PALM2AKAP2: variants seen among roughly 807,000 people sequenced by gnomAD.
PALM2AKAP2 encodes the protein PALM2-AKAP2 fusion protein.
PALM2AKAP2 carries 37 observed loss-of-function variants against 71.5 expected under a neutral mutation model. That is an observed-to-expected ratio of 0.52 (90% CI 0.40 to 0.68). The LOEUF (loss-of-function observed/expected upper bound fraction) is 0.68, where lower values mean the gene tolerates loss of function less well. Among genes scored for constraint, PALM2AKAP2 ranks in the 30% least tolerant of loss-of-function variants. The probability of loss-of-function intolerance (pLI) is 0.00; values close to 1 mark genes in which losing one functional copy is unlikely to be tolerated. For synonymous variants in PALM2AKAP2, 468 were observed against 478.8 expected (o/e 0.98, Z 0.29); for missense variants, 1,224 against 1,191.8 (o/e 1.03, Z -0.40).
chr9:109,648,122 C>G (rs917920902), intron 1 of PALM2AKAP2, among the ~76,000 whole-genome samples: 3 of 152,218 alleles, frequency 2.0e-5, no homozygotes, highest in Admixed American at 6.5e-5. Flanking sequence ...TTCCCCTGCT[C>G]TTTCTCTCTG....
intron 1 of PALM2AKAP2, among the ~76,000 whole-genome samples, chr9:109,658,776 G>A (rs1195971847): frequency 6.6e-6 from 1 of 152,062 alleles, no homozygotes; most frequent in Non-Finnish European, 1.5e-5. Flanking sequence ...CTTTAATATG[G>A]TTGCTAGATA....
In PALM2AKAP2 at chr9:110,094,302, T is replaced by C. The variant is rs148881669; in HGVS notation, c.157-41825T>C. ...TTAAAGATGATTGTATACATTTTCT[T>C]AGGATAGTGACCAATGAACAAGGCA... On this transcript the variant is annotated intron_variant, in intron 1 of 3. Coordinates refer to ENST00000374525, the Ensembl canonical transcript of PALM2AKAP2. Among the ~76,000 whole-genome samples, 22 of 152,348 alleles carry C rather than the reference T, an allele frequency of 1.4e-4. No homozygotes were observed. In the East Asian group the frequency reaches 4.2e-3, roughly 29 times the overall value.
At chr9:110,013,097 T>C (rs1233732532) in intron 6 of PALM2AKAP2, among the ~76,000 whole-genome samples, 2 of 152,168 alleles carry the variant, frequency 1.3e-5, no homozygotes, top group Non-Finnish European at 2.9e-5. Flanking sequence ...TGGCTTGGCT[T>C]CCAGGTGCAG....
chr9:109,862,615 T>C (rs576066539), intron 1 of PALM2AKAP2, among the ~76,000 whole-genome samples: 113 of 152,304 alleles, frequency 7.4e-4, no homozygotes, highest in African/African-American at 2.6e-3. Context: ...CGAGGTAGCA[T>C]GATTGGCCTA....
intron 1 of PALM2AKAP2, among the ~76,000 whole-genome samples, chr9:109,842,688 A>C (rs1231940572): frequency 6.6e-6 from 1 of 152,166 alleles, no homozygotes; most frequent in African/African-American, 2.4e-5. Context: ...AAACAGACTA[A>C]TGATATCTGA....
intron 1 of PALM2AKAP2, among the ~76,000 whole-genome samples, chr9:109,647,290 C>T (rs756682518): frequency 3.3e-5 from 5 of 152,176 alleles, no homozygotes; most frequent in Non-Finnish European, 7.3e-5. Flanking sequence ...TCAATATATA[C>T]ACATCTACTT....
chr9:109,856,355 C>T (rs535927564), intron 1 of PALM2AKAP2, among the ~76,000 whole-genome samples: 6 of 152,276 alleles, frequency 3.9e-5, no homozygotes, highest in Admixed American at 1.3e-4. Context: ...ATCGCCATGC[C>T]GTAGTTGCAA....
intron 1 of PALM2AKAP2, among the ~76,000 whole-genome samples, chr9:109,689,288 C>T (rs944570920): frequency 2.6e-5 from 4 of 150,994 alleles, no homozygotes; most frequent in Admixed American, 6.6e-5. Context: ...CTGCAACCTC[C>T]GCCTGCTGGG....
intron 1 of PALM2AKAP2, among the ~76,000 whole-genome samples, chr9:109,825,213 A>G (rs1280979412): frequency 2.0e-5 from 3 of 152,248 alleles, no homozygotes; most frequent in African/African-American, 7.2e-5. Context: ...AATTAATTCA[A>G]GATGGATTAA....
intron 1 of PALM2AKAP2, among the ~76,000 whole-genome samples, chr9:109,814,869 T>C (rs1045902316): frequency 9.2e-5 from 14 of 152,210 alleles, no homozygotes; most frequent in African/African-American, 3.4e-4. Context: ...AGATGGACTG[T>C]CTTGTATGCC....
chr9:110,035,323 T>TA (rs1833367297), intron 7 of PALM2AKAP2, among the ~76,000 whole-genome samples: 1 of 143,986 alleles, frequency 6.9e-6, no homozygotes, highest in Non-Finnish European at 1.5e-5. Flanking sequence ...TACATATGTA[T>TA]TATATGTATA....
chr9:109,790,065 TC>T (rs1827073039), intron 1 of PALM2AKAP2, among the ~76,000 whole-genome samples: 1 of 152,158 alleles, frequency 6.6e-6, no homozygotes. Context: ...TCTGTACCTT[TC>T]TTTTGCATAA....
At chr9:110,125,657 G>A (rs1400643869) in intron 1 of PALM2AKAP2, 2 of 947,698 alleles carry the variant, frequency 2.1e-6, no homozygotes, top group Admixed American at 6.2e-5. Context: ...AAGGACAGGG[G>A]TCTTTTTTTG....
At position 109,662,720 on chromosome 9, in the gene PALM2AKAP2, T is replaced by C. The variant is rs558318240; in HGVS notation, c.5+21854T>C. Among the ~76,000 whole-genome samples, 35 of 152,294 alleles carry C rather than the reference T, an allele frequency of 2.3e-4. No individual in the cohort carries two copies. The East Asian group carries it at 6.4e-3, about 28-fold the overall frequency. On this transcript the variant is annotated intron_variant, in intron 1 of 6. Transcript: ENST00000374531. The stretch of plus-strand genomic sequence containing the variant: ...GGAGGAGTCCCTCTTTTTCTATTGA[T>C]TGGAATAGTTTCAGAAGGAATGGTA...
intron 1 of PALM2AKAP2, among the ~76,000 whole-genome samples, chr9:109,670,158 T>A (rs1223152322): frequency 6.6e-6 from 1 of 152,196 alleles, no homozygotes; most frequent in Non-Finnish European, 1.5e-5. Flanking sequence ...ATATGCCAGT[T>A]TGTTACATAG....
intron 2 of PALM2AKAP2, among the ~76,000 whole-genome samples, chr9:109,879,698 G>C (rs544204270): frequency 8.5e-6 from 1 of 117,220 alleles, no homozygotes; most frequent in South Asian, 2.5e-4. Flanking sequence ...TGGGATGTAT[G>C]GTTTTTTTTT....
chr9:110,149,035 T>C (rs1156436391), intron 2 of PALM2AKAP2, among the ~76,000 whole-genome samples: 1 of 152,216 alleles, frequency 6.6e-6, no homozygotes, highest in Non-Finnish European at 1.5e-5. Flanking sequence ...CTGCCTCCTG[T>C]CAGCACGGCT....
intron 1 of PALM2AKAP2, among the ~76,000 whole-genome samples, chr9:110,077,348 T>TA (rs1210980509): frequency 1.3e-5 from 2 of 152,244 alleles, no homozygotes; most frequent in African/African-American, 4.8e-5. Context: ...ATAGCTTTCA[T>TA]AATTACTATA....
chr9:109,787,571 G>A (rs967641043), intron 1 of PALM2AKAP2, among the ~76,000 whole-genome samples: 3 of 152,214 alleles, frequency 2.0e-5, no homozygotes, highest in African/African-American at 7.2e-5. Context: ...AGCATGCAAT[G>A]TAAATGAGGG....
Sources: gnomAD v4.1 joint callset for allele counts (sites outside exome capture counted in the v4.1 genomes callset) on GRCh38, gnomAD v4.1.1 for gene constraint, MANE v1.5 for transcripts, NCBI Gene and HGNC (gene_info 2026-07-23, HGNC 2026-07-21) for gene names.